Variants in KCNH4 observed in about 807,000 individuals in gnomAD.
KCNH4 encodes potassium voltage-gated channel subfamily H member 4.
In KCNH4, 33 loss-of-function variants were observed where a neutral mutation model predicts 90.7. That is an observed-to-expected ratio of 0.36 (90% CI 0.28 to 0.49). KCNH4 has a LOEUF of 0.49. Among genes scored for constraint, KCNH4 ranks in the 20% least tolerant of loss-of-function variants. The probability of loss-of-function intolerance (pLI) is 0.98; values close to 1 mark genes in which losing one functional copy is unlikely to be tolerated. For missense variants in KCNH4, 1,044 were observed against 1,387.1 expected, an observed-to-expected ratio of 0.75 and a Z score of 3.93; for synonymous variants, 551 against 581.7, an observed-to-expected ratio of 0.95 and a Z score of 0.76.
At position 42,180,992 on chromosome 17, in the gene KCNH4, G is replaced by A. The variant is rs779819037; in HGVS notation, c.-47C>T. 53 of 1,575,902 alleles carry A rather than the reference G, an allele frequency of 3.4e-5. No individual in the cohort carries two copies. The highest frequency in any genetic ancestry group is 4.2e-5 in the Non-Finnish European group (49 of 1,154,150). ...GGCGCGGCGCTGGGGAGCTTTCAGC[G>A]CGGCCGGGCCGGAGGGGGCGCGCTG... On this transcript the variant is annotated 5_prime_UTR_variant, in exon 1 of 17. Coordinates refer to ENST00000264661, the MANE Select transcript of KCNH4 (RefSeq NM_012285.3). This position sits in a 1 kb window ranked among gnomAD's most constrained non-coding sequence, Gnocchi z 4.7.
In KCNH4 at chr17:42,160,315, G is replaced by T. The variant is rs2079736955; in HGVS notation, c.2779C>A (p.Pro927Thr). Residue 927 changes from proline to threonine, a missense_variant, in exon 16 of 17, where the codon CCT (proline) becomes ACT (threonine). Transcript: ENST00000264661. ...HPAGSAWTPDPPCPQLRPPCL... is the reference protein window; with the variant it reads ...HPAGSAWTPDTPCPQLRPPCL... ...GGTGGCCTCAGCTGTGGACAAGGAGGGTCTGGGGTCCAAGCGGAGCCTGCT... is the reference window on the plus strand; with the variant it reads ...GGTGGCCTCAGCTGTGGACAAGGAGTGTCTGGGGTCCAAGCGGAGCCTGCT... 6.2e-7 allele frequency: 1 copy of T among 1,613,972 alleles called. No homozygotes were observed. Among genetic ancestry groups the T allele is most frequent in the Non-Finnish European group, 8.5e-7 (1 of 1,179,996 alleles).
Position 42,180,963 on chromosome 17 carries a change from T to C in KCNH4, c.-18A>G. ...ACCGGCATGGCCCCGGGGCGTGGGTTCAAGGCGCGGCGCTGGGGAGCTTTC... is the reference window on the plus strand; with the variant it reads ...ACCGGCATGGCCCCGGGGCGTGGGTCCAAGGCGCGGCGCTGGGGAGCTTTC... On this transcript the variant is annotated 5_prime_UTR_variant, in exon 1 of 17. Coordinates refer to ENST00000264661, the MANE Select transcript of KCNH4 (RefSeq NM_012285.3). This position sits in a 1 kb window ranked among gnomAD's most constrained non-coding sequence, Gnocchi z 4.7. 1 of 1,609,412 alleles carries C rather than the reference T, an allele frequency of 6.2e-7. No individual in the cohort carries two copies. Among genetic ancestry groups the C allele is most frequent in the Non-Finnish European group, 8.5e-7 (1 of 1,177,838 alleles).
At chr17:42,160,929 T>C (rs1438531602) in intron 15 of KCNH4, among the ~76,000 whole-genome samples, 9 of 136,430 alleles carry the variant, frequency 6.6e-5, no homozygotes, top group African/African-American at 1.4e-4. Flanking sequence ...TCTTTTTTTT[T>C]TTTTTTTTTT....
chr17:42,172,794 G>A (rs973085123), intron 6 of KCNH4, among the ~76,000 whole-genome samples: 1 of 151,968 alleles, frequency 6.6e-6, no homozygotes, highest in Non-Finnish European at 1.5e-5. Context: ...CCTAGTCAGA[G>A]TCAGGGGATA....
chr17:42,167,615 C>G (rs1324206676), intron 9 of KCNH4, among the ~76,000 whole-genome samples: 1 of 152,154 alleles, frequency 6.6e-6, no homozygotes, highest in African/African-American at 2.4e-5. Context: ...TGGACCTCCC[C>G]CAGGCACTAT....
intron 16 of KCNH4, among the ~76,000 whole-genome samples, chr17:42,157,469 T>C (rs2079717348): frequency 6.6e-6 from 1 of 152,168 alleles, no homozygotes; most frequent in South Asian, 2.1e-4. Context: ...TGTCGGGAGA[T>C]GATCAAGAAA....
rs1220891916 is a variant in KCNH4 at position 42,163,553 on chromosome 17, G to A, written c.2477+53C>T. 1 of 882,160 alleles carries A rather than the reference G, an allele frequency of 1.1e-6. No individual in the cohort carries two copies. The highest frequency in any genetic ancestry group is 1.8e-6 in the Non-Finnish European group (1 of 564,320). The allele number at this position is 882,160 out of a possible 1,614,324, so 54.6% of individuals were successfully genotyped here. On this transcript the variant is annotated intron_variant, in intron 13 of 16. Coordinates refer to ENST00000264661, the MANE Select transcript of KCNH4 (RefSeq NM_012285.3). The surrounding 1 kb of genome is among the most constrained non-coding windows in gnomAD (Gnocchi z 5.4). ...AACGCCAGGGATAGAGCCCAGAGAA[G>A]GTTCTGGAAGCCAATAGGGGTTTTG...
rs779723191 is a variant in KCNH4, at chr17:42,163,598, C to T, written c.2477+8G>A. 1.1e-5 allele frequency: 14 copies of T among 1,282,012 alleles called. No homozygotes were observed. The highest frequency in any genetic ancestry group is 2.4e-5 in the East Asian group (1 of 42,172). 79.4% of individuals were successfully genotyped at this position (1,282,012 alleles called of 1,614,324 possible). On this transcript the variant is annotated splice_region_variant and intron_variant, in intron 13 of 16. Transcript: ENST00000264661. This position sits in a 1 kb window ranked among gnomAD's most constrained non-coding sequence, Gnocchi z 5.4. The stretch of plus-strand genomic sequence containing the variant: ...GTTTTGGGAAAGCAGGGGAGGCTGG[C>T]GTCTCACCGGGGACTGAGGTCCGGA...
At chr17:42,173,002 C>T (rs2079838031) in intron 6 of KCNH4, among the ~76,000 whole-genome samples, 1 of 151,514 alleles carries the variant, frequency 6.6e-6, no homozygotes, top group African/African-American at 2.4e-5. Flanking sequence ...AGAGCAGGGA[C>T]TGAGGGAGGC....
At chr17:42,167,020 T>A (rs1385735487) in intron 9 of KCNH4, among the ~76,000 whole-genome samples, 2 of 152,182 alleles carry the variant, frequency 1.3e-5, no homozygotes, top group Non-Finnish European at 2.9e-5. Flanking sequence ...CATGTTCACA[T>A]CCTCATATGG....
intron 16 of KCNH4, among the ~76,000 whole-genome samples, chr17:42,159,389 A>G (rs1191739139): frequency 6.6e-6 from 1 of 152,078 alleles, no homozygotes; most frequent in Non-Finnish European, 1.5e-5. Context: ...CGAGCCGAAG[A>G]GTACATATCT....
intron 6 of KCNH4, among the ~76,000 whole-genome samples, chr17:42,174,640 C>A (rs2079849625): frequency 6.6e-6 from 1 of 152,084 alleles, no homozygotes; most frequent in Admixed American, 6.5e-5. Flanking sequence ...AGAGAGCACA[C>A]AAGGAAACTG....
chr17:42,172,139 G>T, intron 6 of KCNH4, 144 bp from the exon 7 acceptor site: 1 of 639,880 alleles, frequency 1.6e-6, no homozygotes, highest in Non-Finnish European at 2.8e-6. Context: ...TGAGAAAGTG[G>T]CCAAGGAATG....
rs867480854 is a variant in KCNH4, at chr17:42,164,149, C to T, written c.2105G>A (p.Arg702Gln). The change falls in exon 12 of 17, where the codon CGA (arginine) becomes CAA (glutamine). Residue 702 changes from arginine to glutamine, a missense_variant. Physicochemically the swap from Arg to Gln is conservative, Grantham distance 43 (BLOSUM62 1). Coordinates refer to ENST00000264661, the MANE Select transcript of KCNH4 (RefSeq NM_012285.3). The stretch of plus-strand genomic sequence containing the variant: ...TGTTACCTGGGAGAGGCGAGGGGAT[C>T]GGGAAAAGCGGCTGAGGCCCTGTGG... The part of the protein sequence containing the change: ...SDTSGLSRFS[R>Q]SPRLSQPRSE... 39 of 1,551,604 alleles carry T rather than the reference C, an allele frequency of 2.5e-5. No homozygotes were observed. The highest frequency in any genetic ancestry group is 3.2e-5 in the Non-Finnish European group (37 of 1,146,984).
At chr17:42,158,300 G>T (rs2079721995) in intron 16 of KCNH4, among the ~76,000 whole-genome samples, 2 of 151,114 alleles carry the variant, frequency 1.3e-5, no homozygotes, top group Non-Finnish European at 2.9e-5. Context: ...GGAGGCCGAG[G>T]CAGGTGGATC....
intron 6 of KCNH4, among the ~76,000 whole-genome samples, chr17:42,172,665 G>A (rs1000686714): frequency 6.6e-6 from 1 of 151,402 alleles, no homozygotes; most frequent in Non-Finnish European, 1.5e-5. Flanking sequence ...CTTGTTCAAG[G>A]TCACAGACCA....
chr17:42,175,462 T>G, intron 6 of KCNH4, 117 bp downstream of exon 6: 2 of 1,183,634 alleles, frequency 1.7e-6, no homozygotes, highest in Non-Finnish European at 1.2e-6. Flanking sequence ...GCCTGATAAA[T>G]ATCTGCAGAT....
chr17:42,174,949 C>T (rs761108844), intron 6 of KCNH4, among the ~76,000 whole-genome samples: 16 of 152,318 alleles, frequency 1.1e-4, no homozygotes, highest in Admixed American at 3.9e-4. Flanking sequence ...ATACCATCTC[C>T]GCCTCCCTCA....
chr17:42,173,055 G>A (rs1465146021), intron 6 of KCNH4, among the ~76,000 whole-genome samples: 1 of 151,874 alleles, frequency 6.6e-6, no homozygotes, highest in East Asian at 1.9e-4. Context: ...TACCTGGTAA[G>A]TGTCCCATAT....
Sources: gnomAD v4.1 joint callset for allele counts (sites outside exome capture counted in the v4.1 genomes callset) on GRCh38, gnomAD v4.1.1 for gene constraint, Gnocchi (gnomAD v3.1) non-coding constraint, MANE v1.5 for transcripts, NCBI Gene and HGNC (gene_info 2026-07-23, HGNC 2026-07-21) for gene names.